Variants in KAZN observed in about 807,000 individuals in gnomAD.
KAZN encodes kazrin, periplakin interacting protein, also known as kazrin.
KAZN carries 40 observed loss-of-function variants against 87.4 expected under a neutral mutation model. The observed-to-expected ratio is 0.46, with a 90% CI of 0.36 to 0.60. The LOEUF (loss-of-function observed/expected upper bound fraction) is 0.60. KAZN is among the 20% of genes least tolerant of loss of function. The pLI is 0.00. For synonymous variants in KAZN, 466 were observed against 458.3 expected (o/e 1.02, Z -0.22); for missense variants, 898 against 1,073.9 (o/e 0.84, Z 2.29).
At chr1:15,007,673 TA>T (rs1306416499) in intron 2 of KAZN, among the ~76,000 whole-genome samples, 1 of 152,086 alleles carries the variant, frequency 6.6e-6, no homozygotes. Flanking sequence ...GCCGGGCAGG[TA>T]GCTCACCTGC....
rs76113695 is a variant in KAZN at position 14,220,274 on chromosome 1, C to A, written c.249+39682C>A. ...TTTCTTTCTGTATGTCCATCTGTCA[C>A]CACAAAATTGATATGCCCAAAATTG... is the stretch of plus-strand genomic sequence containing the variant. On this transcript the variant is annotated intron_variant, in intron 2 of 16. Coordinates refer to the KAZN transcript ENST00000636203. 3.0e-3 allele frequency among the ~76,000 whole-genome samples: 454 copies of A among 152,288 alleles called. 4 individuals are homozygous for A. Among genetic ancestry groups the A allele is most frequent in the African/African-American group, 0.011 (437 of 41,562 alleles).
intron 2 of KAZN, among the ~76,000 whole-genome samples, chr1:14,479,791 G>T (rs143211826): frequency 6.6e-6 from 1 of 152,126 alleles, no homozygotes; most frequent in African/African-American, 2.4e-5. Flanking sequence ...CGTGGGAGGC[G>T]TTGCCAAATG....
chr1:14,115,611 C>T (rs1417191207), intron 1 of KAZN, among the ~76,000 whole-genome samples: 3 of 152,172 alleles, frequency 2.0e-5, no homozygotes, highest in African/African-American at 7.2e-5. Flanking sequence ...ATGTCTTTAT[C>T]AGCAGCATGA....
chr1:14,398,234 G>A (rs990464474), intron 2 of KAZN, among the ~76,000 whole-genome samples: 1 of 152,226 alleles, frequency 6.6e-6, no homozygotes, highest in Non-Finnish European at 1.5e-5. Flanking sequence ...CTACCGAATA[G>A]TCACTATTAT....
At chr1:14,125,103 A>G (rs1644836142) in intron 1 of KAZN, among the ~76,000 whole-genome samples, 1 of 152,150 alleles carries the variant, frequency 6.6e-6, no homozygotes, top group African/African-American at 2.4e-5. Flanking sequence ...ACTGGAAGGC[A>G]GGTCTTCTCC....
At chr1:14,085,724 A>G (rs570890822) in intron 1 of KAZN, among the ~76,000 whole-genome samples, 35 of 152,288 alleles carry the variant, frequency 2.3e-4, no homozygotes, top group African/African-American at 7.9e-4. Flanking sequence ...ACATTCACAT[A>G]CAAGTCTTTC....
At chr1:14,752,864 A>G (rs965896227) in intron 1 of KAZN, among the ~76,000 whole-genome samples, 13 of 152,220 alleles carry the variant, frequency 8.5e-5, no homozygotes, top group African/African-American at 3.1e-4. Context: ...CAAAACAAAC[A>G]CCAGCTACCA....
At chr1:14,991,289 G>A (rs12047670) in intron 2 of KAZN, among the ~76,000 whole-genome samples, 87,646 of 151,628 alleles carry the variant, frequency 0.58, 27,590 homozygotes, top group African/African-American at 0.84. Flanking sequence ...CGAGAGGCGG[G>A]GGTTGCAGTG....
At chr1:14,933,218 A>G (rs113882436) in intron 1 of KAZN, among the ~76,000 whole-genome samples, 156 of 152,232 alleles carry the variant, frequency 1.0e-3, no homozygotes, top group Non-Finnish European at 1.9e-3. Context: ...CAGCCTCCCA[A>G]GTAGCTGAGA....
chr1:14,195,312 C>G (rs1356105082), intron 2 of KAZN, among the ~76,000 whole-genome samples: 1 of 152,070 alleles, frequency 6.6e-6, no homozygotes, highest in African/African-American at 2.4e-5. Context: ...ACCCTCCCTT[C>G]TTTATCTTCT....
intron 2 of KAZN, among the ~76,000 whole-genome samples, chr1:15,002,209 TC>T (rs1250023547): frequency 2.0e-5 from 3 of 152,168 alleles, no homozygotes; most frequent in African/African-American, 7.2e-5. Context: ...ACGGTCACAG[TC>T]CTGTTCTTTC....
chr1:14,248,167 CG>C (rs1234038892), intron 2 of KAZN, among the ~76,000 whole-genome samples: 2 of 152,092 alleles, frequency 1.3e-5, no homozygotes, highest in Non-Finnish European at 2.9e-5. Context: ...TGAGAGCAAC[CG>C]TGGGCTTTGT....
rs72639870 is a variant in KAZN, at chr1:15,069,411, C to T, written c.1222+3658C>T. ...ATGACTTGGCCAGCGTCCTAGCTAT[C>T]GTGCCTCTCATCCTGGGACCTTCTC... On this transcript the variant is annotated intron_variant, in intron 8 of 14. Transcript: ENST00000376030. 8.1e-3 allele frequency among the ~76,000 whole-genome samples: 1,239 copies of T among 152,334 alleles called. 29 individuals carry two copies. The highest frequency in any genetic ancestry group is 0.073 in the East Asian group (377 of 5,184).
At chr1:14,290,463 C>T (rs914088789) in intron 2 of KAZN, among the ~76,000 whole-genome samples, 8 of 152,258 alleles carry the variant, frequency 5.3e-5, no homozygotes, top group African/African-American at 1.2e-4. Context: ...CCCACTTGAT[C>T]GAATTGGCTA....
At chr1:14,647,479 G>A (rs1680892781) in intron 1 of KAZN, among the ~76,000 whole-genome samples, 1 of 152,186 alleles carries the variant, frequency 6.6e-6, no homozygotes, top group South Asian at 2.1e-4. Flanking sequence ...AGGACCAGTA[G>A]TGGAGTTTCC....
At position 14,386,410 on chromosome 1, in the gene KAZN, A is replaced by G. The variant is rs377323613; in HGVS notation, c.249+205818A>G. Among the ~76,000 whole-genome samples, 215 of 151,556 alleles carry G rather than the reference A, an allele frequency of 1.4e-3. No individual in the cohort carries two copies. The South Asian group carries it at 0.015, about 11-fold the overall frequency. ...GTTGATGCAGTTTCTTCCTAGTCTC[A>G]ATGGTCTTTACATTTTGGCATGATT... On this transcript the variant is annotated intron_variant, in intron 2 of 16. Transcript: ENST00000636203.
chr1:14,107,734 C>T (rs943246417), intron 1 of KAZN, among the ~76,000 whole-genome samples: 19 of 152,156 alleles, frequency 1.2e-4, no homozygotes, highest in Admixed American at 3.9e-4. Context: ...CAGATCATGG[C>T]ACATAAACTC....
chr1:14,083,920 A>G (rs1360249543), intron 1 of KAZN, among the ~76,000 whole-genome samples: 1 of 152,202 alleles, frequency 6.6e-6, no homozygotes, highest in Non-Finnish European at 1.5e-5. Flanking sequence ...TGTGTTAGTC[A>G]TTGTCCTAGG....
At position 14,929,890 on chromosome 1, in the gene KAZN, TTC is replaced by T. The variant is rs1251303355; in HGVS notation, c.227-30789_227-30788del. ...TCTATGAAGGTGGGGACTCCAGGCTTTCTCTCGTCTGCTTTTTGGATGCCTTC... is the reference window on the plus strand; with the variant it reads ...TCTATGAAGGTGGGGACTCCAGGCTTTCTCGTCTGCTTTTTGGATGCCTTC... On this transcript the variant is annotated intron_variant, in intron 1 of 14. Transcript: ENST00000376030. 3.0e-6 allele frequency: 3 copies of T among 985,374 alleles called. No individual in the cohort carries two copies. In the African/African-American group the frequency reaches 5.2e-5, roughly 17 times the overall value. The allele number at this position is 985,374 out of a possible 1,614,324, so 61.0% of individuals were successfully genotyped here.
Sources: gnomAD v4.1 joint callset for allele counts (sites outside exome capture counted in the v4.1 genomes callset) on GRCh38, gnomAD v4.1.1 for gene constraint, MANE v1.5 for transcripts, NCBI Gene and HGNC (gene_info 2026-07-23, HGNC 2026-07-21) for gene names.